ENOX1: variants seen among roughly 807,000 people sequenced by gnomAD.
ENOX1 encodes the protein ecto-NOX disulfide-thiol exchanger 1.
ENOX1 carries 42 observed loss-of-function variants against 82.5 expected under a neutral mutation model. The ratio of observed to expected loss-of-function variants is 0.51; its 90% CI spans 0.40 to 0.66. The LOEUF is 0.66. Among genes scored for constraint, ENOX1 ranks in the 30% least tolerant of loss-of-function variants. The pLI is 0.00. For synonymous variants in ENOX1, 271 were observed against 282.2 expected (o/e 0.96, Z 0.40); for missense variants, 608 against 811.6 (o/e 0.75, Z 3.05).
intron 13 of ENOX1, among the ~76,000 whole-genome samples, chr13:43,267,345 GA>G (rs1254513513): frequency 1.3e-5 from 2 of 152,218 alleles, no homozygotes; most frequent in African/African-American, 4.8e-5. Context: ...GAGGGACCTA[GA>G]AAAGCTGCAT....
chr13:43,536,869 T>A (rs532133481), intron 2 of ENOX1, among the ~76,000 whole-genome samples: 1 of 152,286 alleles, frequency 6.6e-6, no homozygotes, highest in African/African-American at 2.4e-5. Flanking sequence ...ATCAAATGTA[T>A]CAGATACATA....
intron 3 of ENOX1, among the ~76,000 whole-genome samples, chr13:43,415,000 T>C (rs1439264663): frequency 1.3e-5 from 2 of 152,178 alleles, no homozygotes; most frequent in Admixed American, 6.5e-5. Flanking sequence ...GTGGTTACAG[T>C]CGTATAAAGG....
chr13:43,513,646 G>GT (rs984175940), intron 2 of ENOX1, among the ~76,000 whole-genome samples: 2 of 151,938 alleles, frequency 1.3e-5, no homozygotes, highest in African/African-American at 4.8e-5. Context: ...GAAATTTTTA[G>GT]TTTTTTTATT....
At chr13:43,553,211 A>C (rs568236598) in intron 2 of ENOX1, among the ~76,000 whole-genome samples, 1 of 152,318 alleles carries the variant, frequency 6.6e-6, no homozygotes, top group East Asian at 1.9e-4. Context: ...TATTTAATGT[A>C]GGTTTAGGTA....
intron 14 of ENOX1, among the ~76,000 whole-genome samples, chr13:43,258,242 C>G (rs2043860940): frequency 2.0e-5 from 3 of 152,190 alleles, no homozygotes; most frequent in African/African-American, 7.2e-5. Flanking sequence ...TCTGTACATG[C>G]TGGGATGGGG....
chr13:43,556,097 C>T (rs570169249), intron 2 of ENOX1, among the ~76,000 whole-genome samples: 1 of 152,148 alleles, frequency 6.6e-6, no homozygotes, highest in Non-Finnish European at 1.5e-5. Context: ...CAAAAAGCAT[C>T]CCATGGTGAG....
chr13:43,435,109 G>A (rs1213661214), intron 3 of ENOX1, among the ~76,000 whole-genome samples: 3 of 151,942 alleles, frequency 2.0e-5, no homozygotes, highest in African/African-American at 7.3e-5. Context: ...CACTTATGAT[G>A]AGATCTTACC....
intron 1 of ENOX1, among the ~76,000 whole-genome samples, chr13:43,781,686 A>G (rs1479543563): frequency 6.6e-6 from 1 of 151,874 alleles, no homozygotes; most frequent in Non-Finnish European, 1.5e-5. Flanking sequence ...CTAATTTTGT[A>G]TTTTTGTAGA....
intron 2 of ENOX1, among the ~76,000 whole-genome samples, chr13:43,534,407 C>T (rs2078362959): frequency 6.6e-6 from 1 of 152,038 alleles, no homozygotes; most frequent in Non-Finnish European, 1.5e-5. Context: ...ACACCAGGTA[C>T]AGAGTCTGAT....
chr13:43,353,525 A>G (rs6561122), intron 8 of ENOX1, among the ~76,000 whole-genome samples: 105,761 of 152,156 alleles, frequency 0.7, 37,048 homozygotes, highest in Middle Eastern at 0.79. Context: ...TTATGTCCCC[A>G]CATCAATGAA....
intron 11 of ENOX1, among the ~76,000 whole-genome samples, chr13:43,320,697 T>C (rs1276599794): frequency 6.6e-6 from 1 of 152,210 alleles, no homozygotes; most frequent in Non-Finnish European, 1.5e-5. Context: ...AATGAGAATT[T>C]CTGACTGATG....
chr13:43,314,150 C>A (rs1219630966), intron 11 of ENOX1, among the ~76,000 whole-genome samples: 1 of 152,142 alleles, frequency 6.6e-6, no homozygotes, highest in African/African-American at 2.4e-5. Flanking sequence ...CACATTGTGT[C>A]CTGGAACTGG....
chr13:43,675,637 G>T (rs571538595), intron 1 of ENOX1, among the ~76,000 whole-genome samples: 1 of 152,278 alleles, frequency 6.6e-6, no homozygotes, highest in South Asian at 2.1e-4. Flanking sequence ...TGTTATTGTT[G>T]TCCCAATTAA....
intron 1 of ENOX1, among the ~76,000 whole-genome samples, chr13:43,761,723 G>C (rs1282374065): frequency 6.6e-6 from 1 of 152,154 alleles, no homozygotes; most frequent in Non-Finnish European, 1.5e-5. Context: ...ATTTTAAAGT[G>C]CTCACCATGT....
intron 11 of ENOX1, among the ~76,000 whole-genome samples, chr13:43,317,556 A>AT (rs140067416): frequency 0.011 from 1,669 of 149,242 alleles, 25 homozygotes; most frequent in African/African-American, 0.036. Flanking sequence ...TTTATTACTT[A>AT]TTTTTTTTTT....
chr13:43,770,952 C>T (rs947856318), intron 1 of ENOX1, among the ~76,000 whole-genome samples: 2 of 151,034 alleles, frequency 1.3e-5, no homozygotes, highest in African/African-American at 4.9e-5. Context: ...ACTTGTGTTC[C>T]AGGAGAAAAA....
intron 2 of ENOX1, among the ~76,000 whole-genome samples, chr13:43,598,202 A>C (rs1229272026): frequency 8.6e-6 from 1 of 116,918 alleles, no homozygotes; most frequent in Admixed American, 9.1e-5. Flanking sequence ...ATAGGCCTTT[A>C]AAGAAAAAAA....
chr13:43,518,281 A>G (rs2077632698), intron 2 of ENOX1, among the ~76,000 whole-genome samples: 1 of 152,156 alleles, frequency 6.6e-6, no homozygotes, highest in East Asian at 1.9e-4. Context: ...GTAATCATCA[A>G]TATTATCAAT....
At chr13:43,573,318 G>A (rs2080265813) in intron 2 of ENOX1, among the ~76,000 whole-genome samples, 1 of 152,070 alleles carries the variant, frequency 6.6e-6, no homozygotes, top group Non-Finnish European at 1.5e-5. Context: ...CAACCAAGAA[G>A]GCACTGAAAA....
Sources: allele counts gnomAD v4.1 joint callset (sites outside exome capture counted in the v4.1 genomes callset), GRCh38; gene constraint gnomAD v4.1.1; transcripts MANE v1.5; gene names NCBI Gene and HGNC (gene_info 2026-07-23, HGNC 2026-07-21).